Variants in ALMS1 observed in about 807,000 individuals in gnomAD.
The protein encoded by ALMS1 is centrosome-associated protein ALMS1.
Under a neutral mutation model 352.2 loss-of-function variants are expected in ALMS1, and 271 were observed. That is an observed-to-expected ratio of 0.77 (90% CI 0.70 to 0.85). The LOEUF is 0.85. Ranked by LOEUF, ALMS1 falls within the 40% of genes least tolerant of loss-of-function variation. The probability of loss-of-function intolerance (pLI) is 0.00; values close to 1 mark genes in which losing one functional copy is unlikely to be tolerated. For synonymous variants in ALMS1, 1,865 were observed against 1,761.2 expected (o/e 1.06, Z -1.48); for missense variants, 5,445 against 4,870.7 (o/e 1.12, Z -3.51).
intron 6 of ALMS1, among the ~76,000 whole-genome samples, chr2:73,431,157 A>T (rs1031774734): frequency 1.3e-4 from 20 of 152,212 alleles, no homozygotes; most frequent in African/African-American, 4.8e-4. Context: ...CCCTCCCCTC[A>T]CAAGTTATGA....
At chr2:73,436,273 A>T (rs1671602375) in intron 7 of ALMS1, among the ~76,000 whole-genome samples, 1 of 152,126 alleles carries the variant, frequency 6.6e-6, no homozygotes, top group Non-Finnish European at 1.5e-5. Context: ...GTTCTCTTGT[A>T]TGTAATTTGT....
intron 15 of ALMS1, among the ~76,000 whole-genome samples, chr2:73,565,234 T>C (rs867896696): frequency 4.6e-5 from 7 of 152,012 alleles, no homozygotes; most frequent in African/African-American, 9.7e-5. Context: ...ACAGGAGATA[T>C]ATTAGATGAG....
At chr2:73,441,064 A>G (rs1423859354) in intron 7 of ALMS1, among the ~76,000 whole-genome samples, 1 of 152,136 alleles carries the variant, frequency 6.6e-6, no homozygotes, top group East Asian at 1.9e-4. Context: ...GGGAGATGCT[A>G]ACCCACAGAG....
chr2:73,405,626 T>C (rs1164937553), intron 1 of ALMS1, among the ~76,000 whole-genome samples: 1 of 152,052 alleles, frequency 6.6e-6, no homozygotes, highest in African/African-American at 2.4e-5. Context: ...TTGGGTTTAG[T>C]TTCTTTTTCT....
chr2:73,449,748 T>C lies in ALMS1; in HGVS notation c.3221T>C (p.Leu1074Pro). ...GACAGTCATCTACCTGAAGAGAGTC[T>C]GAAAGTTTCAGCCTTCCCTGGACCA... ...LSDSHLPEES[L>P]KVSAFPGPAD... is the part of the protein sequence containing the mutation. The change falls in exon 8 of 23, where the codon CTG (leucine) becomes CCG (proline). Residue 1074 changes from leucine (L) to proline (P), a missense_variant. Transcript: ENST00000613296. The C allele has an allele frequency of 1.9e-6, 3 of 1,614,094 alleles. No homozygotes were observed. The highest frequency in any genetic ancestry group is 1.7e-5 in the Admixed American group (1 of 60,014).
intron 9 of ALMS1, among the ~76,000 whole-genome samples, chr2:73,472,954 A>G (rs1672497922): frequency 6.6e-6 from 1 of 152,082 alleles, no homozygotes; most frequent in Admixed American, 6.6e-5. Context: ...TCTGGGGATA[A>G]AAATTAGGAC....
intron 16 of ALMS1, among the ~76,000 whole-genome samples, chr2:73,590,601 G>GT (rs1222528678): frequency 6.7e-6 from 1 of 148,494 alleles, no homozygotes. Context: ...TTCTCTGAAG[G>GT]TTTTTTTCCT....
At chr2:73,522,313 T>C (rs1295881866) in intron 11 of ALMS1, among the ~76,000 whole-genome samples, 2 of 152,162 alleles carry the variant, frequency 1.3e-5, no homozygotes, top group Admixed American at 1.3e-4. Flanking sequence ...TATATACCGA[T>C]GGAGAAAGAA....
At chr2:73,467,276 C>A (rs1267400078) in intron 9 of ALMS1, among the ~76,000 whole-genome samples, 2 of 152,044 alleles carry the variant, frequency 1.3e-5, no homozygotes, top group Non-Finnish European at 2.9e-5. Context: ...ATAAGGAAGT[C>A]ATGCAAATCA....
chr2:73,540,894 A>G (rs896629014), intron 12 of ALMS1, among the ~76,000 whole-genome samples: 2 of 152,220 alleles, frequency 1.3e-5, no homozygotes, highest in African/African-American at 4.8e-5. Flanking sequence ...GAGACCTACA[A>G]AGAGACTTAG....
chr2:73,527,046 C>A (rs1307495162), intron 11 of ALMS1, among the ~76,000 whole-genome samples: 1 of 151,916 alleles, frequency 6.6e-6, no homozygotes, highest in Non-Finnish European at 1.5e-5. Flanking sequence ...TTTTTGTCCT[C>A]CATTTTGTTG....
intron 16 of ALMS1, among the ~76,000 whole-genome samples, chr2:73,593,191 GAAA>G (rs1001144321): frequency 1.5e-5 from 2 of 133,928 alleles, no homozygotes; most frequent in South Asian, 2.4e-4. Flanking sequence ...ATGGATTCAG[GAAA>G]AAAAAAAAAA....
intron 12 of ALMS1, among the ~76,000 whole-genome samples, chr2:73,544,561 T>C (rs955942799): frequency 6.6e-6 from 1 of 152,192 alleles, no homozygotes. Flanking sequence ...ATTATCAGTG[T>C]TGTCAGGGAC....
intron 16 of ALMS1, among the ~76,000 whole-genome samples, chr2:73,588,997 A>T (rs1308044762): frequency 6.6e-6 from 1 of 152,144 alleles, no homozygotes; most frequent in Non-Finnish European, 1.5e-5. Flanking sequence ...TAATCCAAAT[A>T]TACATACCTA....
At chr2:73,481,206 T>G (rs78042755) in intron 9 of ALMS1, among the ~76,000 whole-genome samples, 45,942 of 152,082 alleles carry the variant, frequency 0.3, 8,517 homozygotes, top group African/African-American at 0.53. Flanking sequence ...TTTTATGGTT[T>G]TCAGTCTAAC....
Position 73,452,800 on chromosome 2 carries a change from C to T in ALMS1, c.6273C>T (p.Leu2091=). 2 of 1,613,658 alleles carry T rather than the reference C, an allele frequency of 1.2e-6. No individual in the cohort carries two copies. Among genetic ancestry groups the T allele is most frequent in the Non-Finnish European group, 1.7e-6 (2 of 1,179,964 alleles). Residue 2091 remains leucine, a synonymous_variant, in exon 8 of 23, where the codon CTC becomes CTT. Coordinates refer to ENST00000613296, the MANE Select transcript of ALMS1 (RefSeq NM_001378454.1). ...TDVNTGKPVS[L]SSSYFHREKS... is the part of the protein sequence containing the mutation. ...TGAATACTGGAAAACCAGTATCTCT[C>T]TCTAGTTCTTATTTTCACAGAGAGA...
At chr2:73,455,011 A>G in intron 8 of ALMS1, 151 bp from the exon 9 acceptor site, 1 of 895,360 alleles carries the variant, frequency 1.1e-6, no homozygotes, top group Non-Finnish European at 1.7e-6. Context: ...CTCTGTCAAG[A>G]ATTTCTAATA....
Position 73,450,771 on chromosome 2 carries a change from G to C in ALMS1, c.4244G>C (p.Gly1415Ala), listed in dbSNP as rs6546837. 414,270 of 1,607,392 alleles carry C rather than the reference G, an allele frequency of 0.26. 66,432 individuals are homozygous for C. The highest frequency in any genetic ancestry group is 0.78 in the African/African-American group (57,898 of 74,538). Residue 1415 changes from glycine to alanine, a missense_variant, in exon 8 of 23, where the codon GGT becomes GCT. Transcript: ENST00000613296. ...AACGTTTCAGCGGTTCCTGGACCAG[G>C]TGACCGGAAGACTGGGATACCAACT... ...AKNVSAVPGP[G>A]DRKTGIPTLP...
rs1372003139 is a variant in ALMS1 at position 73,498,550 on chromosome 2, C to T, written c.9539+7052C>T. On this transcript the variant is annotated intron_variant, in intron 10 of 22. Coordinates refer to ENST00000613296, the MANE Select transcript of ALMS1 (RefSeq NM_001378454.1). ...GTGTGTGCCCATTAACCATCCCCAT[C>T]TCTCCCCAAACCCCTCACTACCTTT... 3.3e-5 allele frequency among the ~76,000 whole-genome samples: 5 copies of T among 151,684 alleles called. No homozygotes were observed. In the East Asian group the frequency reaches 9.6e-4, roughly 29 times the overall value.
Sources: allele counts gnomAD v4.1 joint callset (sites outside exome capture counted in the v4.1 genomes callset), GRCh38; gene constraint gnomAD v4.1.1; transcripts MANE v1.5; gene names NCBI Gene and HGNC (gene_info 2026-07-23, HGNC 2026-07-21).